The following TRPC4 variants were observed in gnomAD, a reference collection of about 807,000 sequenced individuals.
TRPC4 encodes the protein transient receptor potential cation channel subfamily C member 4.
In TRPC4, 49 loss-of-function variants were observed where a neutral mutation model predicts 99.4. The observed-to-expected ratio is 0.49, with a 90% CI of 0.39 to 0.63. The LOEUF (loss-of-function observed/expected upper bound fraction) is 0.63, where lower values mean the gene tolerates loss of function less well. TRPC4 is among the 20% of genes least tolerant of loss of function. The pLI, the probability that TRPC4 is intolerant of heterozygous loss-of-function variation, is 0.00. For missense variants in TRPC4, 898 were observed against 1,152.9 expected, an observed-to-expected ratio of 0.78 and a Z score of 3.20; for synonymous variants, 454 against 425.9, an observed-to-expected ratio of 1.07 and a Z score of -0.81.
rs566725583 is a variant in TRPC4, at chr13:37,793,451, A to G, written c.-27-10091T>C. On this transcript the variant is annotated intron_variant, in intron 1 of 10. Transcript: ENST00000379705. ...TCCCTCCCCCCTCCCCCTACCCCAC[A>G]ACAGGGCTTAGTACTACAACCTAAC... Among the ~76,000 whole-genome samples the G allele has an allele frequency of 2.1e-4, 25 of 121,704 alleles. 1 individual carries two copies. Among genetic ancestry groups the G allele is most frequent in the African/African-American group, 7.6e-4 (24 of 31,482 alleles). The allele number at this position is 121,704 out of a possible 152,430, so 79.8% of individuals were successfully genotyped here. A position where few individuals can be genotyped will look rare whatever the true frequency, so the allele number is the denominator to read the frequency against.
intron 1 of TRPC4, among the ~76,000 whole-genome samples, chr13:37,833,243 A>G (rs1958470996): frequency 6.6e-6 from 1 of 151,950 alleles, no homozygotes; most frequent in Admixed American, 6.6e-5. Context: ...ATTTTCCTGC[A>G]TTATATTTCT....
At chr13:37,796,450 T>C (rs921208616) in intron 1 of TRPC4, among the ~76,000 whole-genome samples, 1 of 152,172 alleles carries the variant, frequency 6.6e-6, no homozygotes, top group Non-Finnish European at 1.5e-5. Flanking sequence ...ACATTTAGAC[T>C]TTTATTCTGT....
chr13:37,632,730 A>G lies in TRPC4; in HGVS notation c.*4173T>C, dbSNP rs1036680674. The stretch of plus-strand genomic sequence containing the variant: ...ATTATTACCAGTATGCATACAGGTT[A>G]TCATAAAATCTACACTTCCAGTGAA... On this transcript the variant is annotated 3_prime_UTR_variant, in exon 11 of 11. Transcript: ENST00000379705. Among the ~76,000 whole-genome samples, 2 of 152,138 alleles carry G rather than the reference A, an allele frequency of 1.3e-5. No individual in the cohort carries two copies. The highest frequency in any genetic ancestry group is 2.9e-5 in the Non-Finnish European group (2 of 68,012).
chr13:37,701,740 A>C (rs1333363), intron 3 of TRPC4, among the ~76,000 whole-genome samples: 149,899 of 152,220 alleles, frequency 0.98, 73,854 homozygotes, highest in East Asian at 1. Flanking sequence ...AGAAACTCAA[A>C]CTGCAACCCA....
intron 1 of TRPC4, among the ~76,000 whole-genome samples, chr13:37,828,203 T>A (rs976177107): frequency 1.3e-5 from 2 of 152,104 alleles, no homozygotes; most frequent in African/African-American, 4.8e-5. Context: ...ACCCGGTACC[T>A]CAGATGGAAA....
Position 37,651,509 on chromosome 13 carries a change from T to A in TRPC4, c.1885-50A>T, listed in dbSNP as rs776068663. The A allele has an allele frequency of 2.6e-6, 4 of 1,523,434 alleles. No individual in the cohort carries two copies. The East Asian group carries it at 6.8e-5, about 26-fold the overall frequency. 94.4% of individuals were successfully genotyped at this position (1,523,434 alleles called of 1,614,324 possible). On this transcript the variant is annotated intron_variant, in intron 7 of 10. Transcript: ENST00000379705. Reference sequence around the variant, plus strand: ...ATGATAGGTTCCTTAATTAACAAGGTACCATAAATCTCACAGAGATCCTGT... The same window carrying A: ...ATGATAGGTTCCTTAATTAACAAGGAACCATAAATCTCACAGAGATCCTGT...
In TRPC4 at chr13:37,687,006, C is replaced by T. The variant is rs149671441; in HGVS notation, c.1234+4993G>A. On this transcript the variant is annotated intron_variant, in intron 4 of 10. Transcript: ENST00000379705. ...TTGAGATGGAGTCTTGCTCTGTCAC[C>T]TACACTGGAGTGCAGTGGCACAATC... Among the ~76,000 whole-genome samples, 1,244 of 151,980 alleles carry T rather than the reference C, an allele frequency of 8.2e-3. 14 individuals are homozygous for T. Among genetic ancestry groups the T allele is most frequent in the African/African-American group, 0.028 (1,180 of 41,440 alleles).
intron 6 of TRPC4, among the ~76,000 whole-genome samples, chr13:37,661,629 A>G (rs766383845): frequency 1.1e-4 from 16 of 152,230 alleles, no homozygotes; most frequent in Non-Finnish European, 1.8e-4. Flanking sequence ...AAGTTGTGAA[A>G]GAGCATTCAC....
At position 37,843,076 on chromosome 13, in the gene TRPC4, T is replaced by C. The variant is rs1958789769; in HGVS notation, c.-28+26519A>G. Among the ~76,000 whole-genome samples, 4 of 152,244 alleles carry C rather than the reference T, an allele frequency of 2.6e-5. No individual in the cohort carries two copies. The South Asian group carries it at 8.3e-4, about 31-fold the overall frequency. ...ACTTCAAACTTGCATTATAGCACAA[T>C]GGTTAATAAACTTGGCTTTGGAATT... On this transcript the variant is annotated intron_variant, in intron 1 of 10. Coordinates refer to ENST00000379705, the MANE Select transcript of TRPC4 (RefSeq NM_016179.4).
chr13:37,692,700 G>A (rs912671794), intron 3 of TRPC4, among the ~76,000 whole-genome samples: 2 of 152,142 alleles, frequency 1.3e-5, no homozygotes, highest in African/African-American at 4.8e-5. Flanking sequence ...ATATATAAGT[G>A]TGGCTCTTTT....
intron 1 of TRPC4, among the ~76,000 whole-genome samples, chr13:37,840,704 T>C (rs1240744000): frequency 6.6e-6 from 1 of 152,076 alleles, no homozygotes; most frequent in Non-Finnish European, 1.5e-5. Context: ...AACAGCTACT[T>C]TCTAACATTA....
At chr13:37,751,578 C>T (rs1955934784) in intron 2 of TRPC4, among the ~76,000 whole-genome samples, 1 of 151,950 alleles carries the variant, frequency 6.6e-6, no homozygotes, top group Non-Finnish European at 1.5e-5. Context: ...CAGTTCTTTC[C>T]CTCCACTACT....
rs544607758 is a variant in TRPC4, at chr13:37,764,043, C to A, written c.379-17588G>T. 4.0e-5 allele frequency among the ~76,000 whole-genome samples: 6 copies of A among 151,744 alleles called. No homozygotes were observed. The East Asian group carries it at 1.2e-3, about 30-fold the overall frequency. ...ATTGTTGAGGAGCATGACAGTAAAT[C>A]TGATGCTAAAATCCCCAAGCAATGA... is the stretch of plus-strand genomic sequence containing the variant. On this transcript the variant is annotated intron_variant, in intron 2 of 10. Transcript: ENST00000379705.
Position 37,637,215 on chromosome 13 carries a change from T to C in TRPC4, c.2622A>G (p.Gln874=), listed in dbSNP as rs1330372662. Residue 874 remains glutamine, a synonymous_variant, in exon 11 of 11, where the codon CAA becomes CAG. Coordinates refer to ENST00000379705, the MANE Select transcript of TRPC4 (RefSeq NM_016179.4). ...TTCTCTCAAGTGGTCCTGCAGCCTG[T>C]TGACGAGCAACTTCTTCTGAAACAG... ...IFSVSEEVAR[Q]QAAGPLERNI... The C allele has an allele frequency of 1.2e-6, 2 of 1,613,972 alleles. No individual in the cohort carries two copies. The highest frequency in any genetic ancestry group is 1.7e-5 in the Admixed American group (1 of 59,956).
At chr13:37,717,540 G>A (rs1041745622) in intron 3 of TRPC4, among the ~76,000 whole-genome samples, 3 of 152,104 alleles carry the variant, frequency 2.0e-5, no homozygotes, top group Non-Finnish European at 4.4e-5. Context: ...GTATGTTGAA[G>A]TCCTAACCCC....
intron 5 of TRPC4, among the ~76,000 whole-genome samples, chr13:37,667,067 C>T (rs1952668176): frequency 6.6e-6 from 1 of 152,138 alleles, no homozygotes; most frequent in South Asian, 2.1e-4. Context: ...TCTCCATTTA[C>T]CCCTTCTGAT....
intron 3 of TRPC4, among the ~76,000 whole-genome samples, chr13:37,727,727 A>C (rs1955109012): frequency 6.6e-6 from 1 of 152,050 alleles, no homozygotes; most frequent in Non-Finnish European, 1.5e-5. Flanking sequence ...ACTACTACTA[A>C]TTCTAAAGAA....
At chr13:37,649,872 A>C (rs1193687118) in intron 8 of TRPC4, among the ~76,000 whole-genome samples, 1 of 152,154 alleles carries the variant, frequency 6.6e-6, no homozygotes, top group African/African-American at 2.4e-5. Context: ...AAAGTTCATA[A>C]ATTAGTATGA....
intron 1 of TRPC4, among the ~76,000 whole-genome samples, chr13:37,802,811 T>C (rs994443309): frequency 2.6e-4 from 39 of 152,158 alleles, no homozygotes; most frequent in African/African-American, 8.7e-4. Context: ...ATAGTCCTTT[T>C]TCTCCTTACA....
Sources: allele counts gnomAD v4.1 joint callset (sites outside exome capture counted in the v4.1 genomes callset), GRCh38; gene constraint gnomAD v4.1.1; transcripts MANE v1.5; gene names NCBI Gene and HGNC (gene_info 2026-07-23, HGNC 2026-07-21).